MDH1B: variants seen among roughly 807,000 people sequenced by gnomAD.
The protein encoded by MDH1B is putative malate dehydrogenase 1B.
MDH1B carries 60 observed loss-of-function variants against 61.4 expected under a neutral mutation model. The ratio of observed to expected loss-of-function variants is 0.98; its 90% CI spans 0.79 to 1.21. The LOEUF (loss-of-function observed/expected upper bound fraction) is 1.21. Ranked by LOEUF, MDH1B falls within the 50% of genes most tolerant of loss-of-function variation. The pLI, the probability that MDH1B is intolerant of heterozygous loss-of-function variation, is 0.00. For missense variants in MDH1B, 587 were observed against 632.1 expected (o/e 0.93, Z 0.76); for synonymous variants, 236 against 218.7 (o/e 1.08, Z -0.70).
chr2:206,753,488 G>A (rs1488852525), intron 5 of MDH1B, among the ~76,000 whole-genome samples: 1 of 152,146 alleles, frequency 6.6e-6, no homozygotes, highest in Non-Finnish European at 1.5e-5. Flanking sequence ...AACAGAAGGA[G>A]TCCTGACGAG....
chr2:206,752,113 G>C (rs1688483479), intron 5 of MDH1B, among the ~76,000 whole-genome samples: 2 of 152,254 alleles, frequency 1.3e-5, no homozygotes, highest in African/African-American at 2.4e-5. Context: ...TCATAAAATG[G>C]CTGCAGCAGC....
intron 1 of MDH1B, among the ~76,000 whole-genome samples, chr2:206,762,204 T>C (rs970057225): frequency 1.1e-4 from 17 of 152,188 alleles, no homozygotes; most frequent in African/African-American, 4.1e-4. Flanking sequence ...CCTCCAAATC[T>C]TTTCCTTCTC....
chr2:206,744,847 C>T (rs766823536), intron 9 of MDH1B, among the ~76,000 whole-genome samples: 92 of 152,174 alleles, frequency 6.0e-4, no homozygotes, highest in Non-Finnish European at 1.1e-3. Flanking sequence ...ATCGCTCGTA[C>T]CTGGGAGGCG....
Position 206,755,070 on chromosome 2 carries a change from C to T in MDH1B, c.849G>A (p.Ala283=), listed in dbSNP as rs148820365. The change falls in exon 5 of 12, where the codon GCG becomes GCA. Residue 283 remains alanine, a synonymous_variant. Coordinates refer to ENST00000374412, the MANE Select transcript of MDH1B (RefSeq NM_001039845.3). ...PRIAHNIIAV[A]LGVEGEAKAI... is the part of the protein sequence containing the mutation. ...CTTTCGCTTCACCTTCCACCCCCAG[C>T]GCCACAGCAATAATGTTGTGTGCAA... is the stretch of plus-strand genomic sequence containing the variant. 1.5e-5 allele frequency: 24 copies of T among 1,614,092 alleles called. No homozygotes were observed. Among genetic ancestry groups the T allele is most frequent in the African/African-American group, 1.3e-4 (10 of 74,936 alleles).
rs1574655465 is a variant in MDH1B at position 206,763,916 on chromosome 2, A to G, written c.22+1334T>C. ...AAGTAAGGTCCCTGCTATCGTTCCTATAGAACCCTGCCCTGTCAGTGTCAT... is the reference window on the plus strand; with the variant it reads ...AAGTAAGGTCCCTGCTATCGTTCCTGTAGAACCCTGCCCTGTCAGTGTCAT... On this transcript the variant is annotated intron_variant, in intron 1 of 11. Coordinates refer to ENST00000374412, the MANE Select transcript of MDH1B (RefSeq NM_001039845.3). Among the ~76,000 whole-genome samples the G allele has an allele frequency of 2.6e-5, 4 of 151,994 alleles. No homozygotes were observed. In the South Asian group the frequency reaches 8.3e-4, roughly 31 times the overall value.
intron 9 of MDH1B, among the ~76,000 whole-genome samples, chr2:206,744,288 G>C (rs577656580): frequency 1.2e-4 from 19 of 152,306 alleles, no homozygotes; most frequent in Admixed American, 2.6e-4. Context: ...CAGGTTCCCA[G>C]AGGGCAAGAT....
In MDH1B at chr2:206,761,014, C is replaced by G; in HGVS notation, c.23-1G>C. On this transcript the variant is annotated splice_acceptor_variant, in intron 1 of 11. Coordinates refer to ENST00000374412, the MANE Select transcript of MDH1B (RefSeq NM_001039845.3). LOFTEE classifies it high-confidence loss of function. ...GCATAATATGGACAATCTGCTCTAC[C>G]TAAAAGAGTTCAAATTAGCAATGTT... 6.6e-7 allele frequency: 1 copy of G among 1,523,048 alleles called. No homozygotes were observed. The highest frequency in any genetic ancestry group is 9.0e-7 in the Non-Finnish European group (1 of 1,105,060). The allele number at this position is 1,523,048 out of a possible 1,614,324, so 94.3% of individuals were successfully genotyped here. A position where few individuals can be genotyped will look rare whatever the true frequency, so the allele number is the denominator to read the frequency against.
intron 5 of MDH1B, among the ~76,000 whole-genome samples, chr2:206,752,872 C>T (rs527755831): frequency 3.3e-5 from 5 of 150,626 alleles, no homozygotes; most frequent in African/African-American, 1.2e-4. Flanking sequence ...CCCTATCTGT[C>T]GGGTGGGACT....
intron 2 of MDH1B, among the ~76,000 whole-genome samples, chr2:206,757,683 C>G (rs2105947948): frequency 6.6e-6 from 1 of 152,274 alleles, no homozygotes; most frequent in East Asian, 1.9e-4. Context: ...TCCAACTCAA[C>G]TGATTTTTAA....
chr2:206,760,737 T>C (rs1404240437), intron 2 of MDH1B, among the ~76,000 whole-genome samples, 164 bp downstream of exon 2: 2 of 152,172 alleles, frequency 1.3e-5, no homozygotes, highest in Non-Finnish European at 2.9e-5. Flanking sequence ...ACATAAATAT[T>C]ATTTTGAGAC....
chr2:206,760,603 TACCAA>T (rs1689034038), intron 2 of MDH1B, among the ~76,000 whole-genome samples: 1 of 152,146 alleles, frequency 6.6e-6, no homozygotes, highest in Non-Finnish European at 1.5e-5. Flanking sequence ...TGGAAATCAA[TACCAA>T]GGAGAATGAA....
intron 5 of MDH1B, 138 bp downstream of exon 5, chr2:206,754,871 A>G (rs1028470190): frequency 1.0e-6 from 1 of 985,460 alleles, no homozygotes; most frequent in South Asian, 2.0e-5. Flanking sequence ...AAATCACACA[A>G]TAAGTTCTTT....
chr2:206,763,216 C>A (rs1406101410), intron 1 of MDH1B, among the ~76,000 whole-genome samples: 4 of 149,946 alleles, frequency 2.7e-5, no homozygotes, highest in African/African-American at 4.9e-5. Flanking sequence ...GTAAGAGTAT[C>A]CAGAGTATTA....
intron 9 of MDH1B, among the ~76,000 whole-genome samples, chr2:206,743,164 T>G (rs762103154): frequency 1.3e-5 from 2 of 152,194 alleles, no homozygotes; most frequent in Non-Finnish European, 2.9e-5. Context: ...CGTTTAATGT[T>G]GCAGCTCAGG....
intron 9 of MDH1B, among the ~76,000 whole-genome samples, chr2:206,744,802 G>A (rs1245997283): frequency 6.6e-6 from 1 of 152,028 alleles, no homozygotes; most frequent in Non-Finnish European, 1.5e-5. Context: ...GTGTGCACCT[G>A]TAGTTCCAGC....
At position 206,755,022 on chromosome 2, in the gene MDH1B, C is replaced by G; in HGVS notation, c.897G>C (p.Lys299Asn). The change falls in exon 5 of 12, where the codon AAG becomes AAC. Residue 299 changes from lysine (K) to asparagine (N), a missense_variant. Physicochemically the swap from Lys to Asn is moderately conservative, Grantham distance 94. Transcript: ENST00000374412. Reference protein sequence around the residue: ...EAKAILARKLKTAPSYIKDVI... With the variant: ...EAKAILARKLNTAPSYIKDVI... ...ACATTCACTCACATGAAGGAGCTGT[C>G]TTCAGTTTTCTGGCCAGTATGGCTT... 1 of 1,612,228 alleles carries G rather than the reference C, an allele frequency of 6.2e-7. No homozygotes were observed. The highest frequency in any genetic ancestry group is 8.5e-7 in the Non-Finnish European group (1 of 1,178,398).
At chr2:206,751,125 A>T in intron 5 of MDH1B, 50 bp from the exon 6 acceptor site, 1 of 1,354,546 alleles carries the variant, frequency 7.4e-7, no homozygotes. Flanking sequence ...ATGTTAATAT[A>T]AAAAATTGCC....
intron 8 of MDH1B, 98 bp from the exon 9 acceptor site, chr2:206,745,771 T>C: frequency 2.2e-6 from 2 of 904,362 alleles, no homozygotes; most frequent in South Asian, 1.6e-5. Context: ...TTCACTCTTG[T>C]TGCCCAGGCT....
rs1212217178 is a variant in MDH1B at position 206,750,822 on chromosome 2, G to T, written c.1052+112C>A. ...AGACAGCATGAACAAATATGAGTGT[G>T]AACAATGCAAGTTATTTTTGTACAA... On this transcript the variant is annotated intron_variant, in intron 6 of 11. Transcript: ENST00000374412. 5.4e-6 allele frequency: 5 copies of T among 934,420 alleles called. No individual in the cohort carries two copies. The African/African-American group carries it at 6.7e-5, about 13-fold the overall frequency. 57.9% of individuals were successfully genotyped at this position (934,420 alleles called of 1,614,324 possible).
Sources: allele counts gnomAD v4.1 joint callset (sites outside exome capture counted in the v4.1 genomes callset), GRCh38; gene constraint gnomAD v4.1.1; transcripts MANE v1.5; gene names NCBI Gene and HGNC (gene_info 2026-07-23, HGNC 2026-07-21).